Variants in PPP2R2B observed in about 807,000 individuals in gnomAD.
PPP2R2B encodes protein phosphatase 2 regulatory subunit Bbeta.
Under a neutral mutation model 46.0 loss-of-function variants are expected in PPP2R2B, and 5 were observed. The observed-to-expected ratio is 0.11, with a 90% CI of 0.06 to 0.23. The LOEUF is 0.23. PPP2R2B is among the 10% of genes least tolerant of loss of function. The probability of loss-of-function intolerance (pLI) is 1.00; values close to 1 mark genes in which losing one functional copy is unlikely to be tolerated. For synonymous variants in PPP2R2B, 215 were observed against 206.7 expected (o/e 1.04, Z -0.34); for missense variants, 367 against 575.0 (o/e 0.64, Z 3.70).
chr5:146,804,454 C>T (rs1411974290), intron 2 of PPP2R2B, among the ~76,000 whole-genome samples: 1 of 152,088 alleles, frequency 6.6e-6, no homozygotes, highest in Admixed American at 6.5e-5. Context: ...CTGCCCTCTC[C>T]CCTCCATCCC....
intron 2 of PPP2R2B, among the ~76,000 whole-genome samples, chr5:146,797,523 A>C (rs962485099): frequency 1.3e-5 from 2 of 152,184 alleles, no homozygotes; most frequent in Non-Finnish European, 2.9e-5. Flanking sequence ...ATTAATACTC[A>C]CAAAAGCTGT....
chr5:146,804,179 T>A (rs907713275), intron 2 of PPP2R2B, among the ~76,000 whole-genome samples: 5 of 151,582 alleles, frequency 3.3e-5, no homozygotes, highest in South Asian at 2.1e-4. Context: ...AAAAAAAAAA[T>A]TATATTATAT....
chr5:146,616,666 A>G (rs1026845825), intron 7 of PPP2R2B, among the ~76,000 whole-genome samples: 2 of 152,224 alleles, frequency 1.3e-5, no homozygotes, highest in Non-Finnish European at 2.9e-5. Context: ...GCAAATCAAA[A>G]CTACAATTAG....
intron 1 of PPP2R2B, among the ~76,000 whole-genome samples, chr5:146,891,856 AG>A (rs1762501137): frequency 6.6e-6 from 1 of 152,208 alleles, no homozygotes; most frequent in South Asian, 2.1e-4. Context: ...AATCAAAAAA[AG>A]GGGGCATCTT....
chr5:146,717,403 G>A (rs1780555601), intron 2 of PPP2R2B, among the ~76,000 whole-genome samples: 1 of 152,208 alleles, frequency 6.6e-6, no homozygotes, highest in Non-Finnish European at 1.5e-5. Flanking sequence ...ACTATTAAAT[G>A]CGTTGGCAAA....
In PPP2R2B at chr5:146,766,283, T is replaced by A. The variant is rs965652482; in HGVS notation, c.71-65141A>T. 2.0e-5 allele frequency among the ~76,000 whole-genome samples: 3 copies of A among 152,190 alleles called. No individual in the cohort carries two copies. In the East Asian group the frequency reaches 5.8e-4, roughly 29 times the overall value. On this transcript the variant is annotated intron_variant, in intron 2 of 9. Coordinates refer to ENST00000394411, the MANE Select transcript of PPP2R2B (RefSeq NM_181675.4). ...CCACAAAAATTTATTCCAGTATTTT[T>A]AGGTTTAAAAAAGATGTCTGGGAAA...
chr5:146,789,847 T>C (rs1453620405), intron 2 of PPP2R2B, among the ~76,000 whole-genome samples: 2 of 151,970 alleles, frequency 1.3e-5, no homozygotes, highest in Non-Finnish European at 2.9e-5. Flanking sequence ...GATAAACCTT[T>C]CCAAGAAGAA....
At chr5:146,658,759 A>T (rs1776503891) in intron 5 of PPP2R2B, among the ~76,000 whole-genome samples, 1 of 152,186 alleles carries the variant, frequency 6.6e-6, no homozygotes, top group African/African-American at 2.4e-5. Context: ...TGTACTATGC[A>T]ATTCATAAAC....
At chr5:146,943,074 G>T (rs532159407) in intron 1 of PPP2R2B, among the ~76,000 whole-genome samples, 3 of 152,242 alleles carry the variant, frequency 2.0e-5, no homozygotes, top group African/African-American at 7.2e-5. Context: ...TGGGATTACA[G>T]GCGTGAACTA....
At chr5:146,746,555 AAGG>A (rs1328736080) in intron 2 of PPP2R2B, among the ~76,000 whole-genome samples, 1 of 152,188 alleles carries the variant, frequency 6.6e-6, no homozygotes, top group African/African-American at 2.4e-5. Context: ...TAGCCTGCAA[AAGG>A]AGAACAGGGC....
intron 2 of PPP2R2B, 118 bp downstream of exon 2, chr5:146,877,884 G>A: frequency 2.4e-6 from 3 of 1,233,466 alleles, no homozygotes; most frequent in South Asian, 3.0e-5. Flanking sequence ...CCGAGCCCCC[G>A]CCCCAGCCCT....
At chr5:146,822,305 TTCTCCTTGC>T (rs1431021664) in intron 2 of PPP2R2B, among the ~76,000 whole-genome samples, 3 of 152,152 alleles carry the variant, frequency 2.0e-5, no homozygotes, top group Non-Finnish European at 4.4e-5. Context: ...CTCCAGTGAC[TTCTCCTTGC>T]TCTCCAAATA....
At chr5:146,707,792 A>C (rs894390043) in intron 2 of PPP2R2B, among the ~76,000 whole-genome samples, 1 of 152,250 alleles carries the variant, frequency 6.6e-6, no homozygotes, top group African/African-American at 2.4e-5. Flanking sequence ...CTCTCCTACA[A>C]GTAATTGTTA....
chr5:146,590,265 T>A (rs1395633803), intron 9 of PPP2R2B, 39 bp from the exon 10 acceptor site: 1 of 1,477,902 alleles, frequency 6.8e-7, no homozygotes, highest in African/African-American at 2.5e-5. Flanking sequence ...ATATCTTCAC[T>A]GTCTTTTCTT....
chr5:146,855,398 C>T (rs1760596493), intron 2 of PPP2R2B, among the ~76,000 whole-genome samples: 1 of 152,142 alleles, frequency 6.6e-6, no homozygotes, highest in Admixed American at 6.6e-5. Flanking sequence ...TTGCATAGTT[C>T]CCTTAGGACA....
At chr5:146,926,865 T>C (rs1000914319) in intron 1 of PPP2R2B, among the ~76,000 whole-genome samples, 3 of 152,168 alleles carry the variant, frequency 2.0e-5, no homozygotes, top group Non-Finnish European at 2.9e-5. Flanking sequence ...AGCAATATGC[T>C]GTCTCTGATC....
At chr5:146,761,144 C>T (rs186758539) in intron 2 of PPP2R2B, among the ~76,000 whole-genome samples, 2,437 of 152,238 alleles carry the variant, frequency 0.016, 42 homozygotes, top group Non-Finnish European at 0.021. Flanking sequence ...TACCATTTGA[C>T]CCAGCCATCC....
intron 7 of PPP2R2B, among the ~76,000 whole-genome samples, chr5:146,635,884 C>T (rs2151075820): frequency 6.6e-6 from 1 of 152,322 alleles, no homozygotes; most frequent in African/African-American, 2.4e-5. Context: ...AAGGCATTTA[C>T]TATCTACAGG....
At chr5:146,608,998 C>T (rs1438579369) in intron 7 of PPP2R2B, among the ~76,000 whole-genome samples, 2 of 152,122 alleles carry the variant, frequency 1.3e-5, no homozygotes, top group Admixed American at 6.5e-5. Context: ...AGCCAATATC[C>T]CTGATGAATA....
Sources: allele counts gnomAD v4.1 joint callset (sites outside exome capture counted in the v4.1 genomes callset), GRCh38; gene constraint gnomAD v4.1.1; transcripts MANE v1.5; gene names NCBI Gene and HGNC (gene_info 2026-07-23, HGNC 2026-07-21).